SCOC: variants seen among roughly 807,000 people sequenced by gnomAD.
SCOC encodes the protein short coiled coil protein.
Under a neutral mutation model 9.9 loss-of-function variants are expected in SCOC, and 7 were observed. The ratio of observed to expected loss-of-function variants is 0.71; its 90% CI spans 0.40 to 1.33. SCOC has a LOEUF of 1.33. Among genes scored for constraint, SCOC ranks in the 40% most tolerant of loss-of-function variants. The pLI is 0.01. For synonymous variants in SCOC, 19 were observed against 28.2 expected, an observed-to-expected ratio of 0.67 and a Z score of 1.03; for missense variants, 66 against 89.7, an observed-to-expected ratio of 0.74 and a Z score of 1.07.
chr4:140,323,718 T>C (rs67090520), intron 1 of SCOC, among the ~76,000 whole-genome samples: 15,442 of 152,208 alleles, frequency 0.1, 1,023 homozygotes, highest in East Asian at 0.31. Context: ...CAATATTTAT[T>C]AAGAAATTGA....
chr4:140,384,652 A>G lies in SCOC; in HGVS notation c.*3548A>G, dbSNP rs1728653720. ...TTTCCCTTATTGGGTGATGGTCTTA[A>G]CATATACAGTCCTGAGTAAAGTCTT... On this transcript the variant is annotated 3_prime_UTR_variant, in exon 4 of 4. Transcript: ENST00000608372. 6.6e-6 allele frequency: 1 copy of G among 152,246 alleles called. No homozygotes were observed. The highest frequency in any genetic ancestry group is 6.5e-5 in the Admixed American group (1 of 15,278). 9.4% of individuals were successfully genotyped at this position (152,246 alleles called of 1,614,324 possible).
intron 1 of SCOC, among the ~76,000 whole-genome samples, chr4:140,300,739 A>G (rs935012561): frequency 3.9e-5 from 6 of 152,234 alleles, no homozygotes; most frequent in Non-Finnish European, 7.3e-5. Flanking sequence ...AAATGTCAAC[A>G]GTGCTGGTGG....
At chr4:140,370,574 G>T (rs1728009018), upstream of SCOC, among the ~76,000 whole-genome samples, 2 of 152,156 alleles carry the variant, frequency 1.3e-5, no homozygotes, top group African/African-American at 4.8e-5. Flanking sequence ...TGAAAAGTTT[G>T]GGACCTGAGT....
At chr4:140,265,925 A>G (rs1450980323) in intron 1 of SCOC, among the ~76,000 whole-genome samples, 1 of 152,028 alleles carries the variant, frequency 6.6e-6, no homozygotes, top group African/African-American at 2.4e-5. Context: ...TTTTCCAGGG[A>G]TTGGTGGAAA....
chr4:140,297,312 C>T (rs530606852), intron 1 of SCOC, among the ~76,000 whole-genome samples: 2 of 152,034 alleles, frequency 1.3e-5, no homozygotes, highest in African/African-American at 2.4e-5. Flanking sequence ...CCGGAGCCCA[C>T]GCAGCACTTA....
chr4:140,298,422 T>G (rs1431622057), intron 1 of SCOC, among the ~76,000 whole-genome samples: 1 of 152,264 alleles, frequency 6.6e-6, no homozygotes, highest in Non-Finnish European at 1.5e-5. Context: ...ACCATTATTC[T>G]GTGGGATCAT....
In SCOC at chr4:140,330,062, A is replaced by C. The variant is rs137999056; in HGVS notation, c.-18-13559A>C. Among the ~76,000 whole-genome samples the C allele has an allele frequency of 7.9e-3, 1,206 of 152,348 alleles. 12 individuals are homozygous for C. The highest frequency in any genetic ancestry group is 0.028 in the African/African-American group (1,178 of 41,580). On this transcript the variant is annotated intron_variant, in intron 1 of 4. Coordinates refer to the SCOC transcript ENST00000394205. ...AAATATGAAACCAGCCCAAATGCCC[A>C]TCAGTCAATGAGTGGCTAAAGAAAG...
At chr4:140,266,786 G>C (rs1053932610) in intron 1 of SCOC, among the ~76,000 whole-genome samples, 83 of 152,118 alleles carry the variant, frequency 5.5e-4, no homozygotes, top group African/African-American at 1.9e-3. Context: ...AAGTTTTCCT[G>C]TGTCTAGGTA....
At chr4:140,286,188 T>TAA (rs373397923) in intron 1 of SCOC, among the ~76,000 whole-genome samples, 19 of 137,568 alleles carry the variant, frequency 1.4e-4, no homozygotes, top group African/African-American at 4.7e-4. Flanking sequence ...CATCACAAAA[T>TAA]AAAAAAAAAA....
At chr4:140,362,467 G>A (rs1182977795) in intron 2 of SCOC, among the ~76,000 whole-genome samples, 1 of 149,596 alleles carries the variant, frequency 6.7e-6, no homozygotes, top group East Asian at 2.0e-4. Context: ...GCTAATTTTT[G>A]TATTTTTATT....
intron 1 of SCOC, among the ~76,000 whole-genome samples, chr4:140,262,198 G>A (rs375011572): frequency 6.6e-6 from 1 of 152,076 alleles, no homozygotes; most frequent in Non-Finnish European, 1.5e-5. Context: ...AAGGCTTTTT[G>A]TACTAGACTA....
At position 140,276,511 on chromosome 4, in the gene SCOC, T is replaced by C. The variant is rs1578761924; in HGVS notation, c.-19+19101T>C. ...CAGAGTCTCACTCTGTCGCTTAGGC[T>C]GGAGTGCTGTGGCACAAACTCGGCT... On this transcript the variant is annotated intron_variant, in intron 1 of 4. Transcript: ENST00000394205. Among the ~76,000 whole-genome samples the C allele has an allele frequency of 3.3e-5, 5 of 152,190 alleles. No homozygotes were observed. The South Asian group carries it at 1.0e-3, about 32-fold the overall frequency.
chr4:140,283,865 C>T (rs889683374), intron 1 of SCOC: 1 of 152,178 alleles, frequency 6.6e-6, no homozygotes, highest in Non-Finnish European at 1.5e-5. Flanking sequence ...GGAGGTCACT[C>T]TATTAGTGAG....
At chr4:140,367,903 A>G (rs1464134133) in intron 2 of SCOC, among the ~76,000 whole-genome samples, 1 of 152,172 alleles carries the variant, frequency 6.6e-6, no homozygotes, top group African/African-American at 2.4e-5. Context: ...ATTGACTCTT[A>G]AATATAGGGA....
intron 2 of SCOC, among the ~76,000 whole-genome samples, chr4:140,349,974 A>G (rs1196064925): frequency 6.6e-6 from 1 of 152,102 alleles, no homozygotes; most frequent in African/African-American, 2.4e-5. Context: ...AGCTCTCCCT[A>G]TCTTTTCAGT....
intron 1 of SCOC, among the ~76,000 whole-genome samples, chr4:140,287,137 G>A (rs1472332391): frequency 6.6e-6 from 1 of 150,496 alleles, no homozygotes; most frequent in Non-Finnish European, 1.5e-5. Flanking sequence ...CACACATCAT[G>A]TGCACATGCC....
At chr4:140,373,348 T>C, upstream of SCOC, 1 of 1,424,242 alleles carries the variant, frequency 7.0e-7, no homozygotes, top group Non-Finnish European at 9.2e-7. Flanking sequence ...TTCTCAGGTT[T>C]CCTGATAGAC....
chr4:140,366,213 T>G (rs1353750356), intron 2 of SCOC: 6 of 746,638 alleles, frequency 8.0e-6, no homozygotes, highest in Non-Finnish European at 9.1e-6. Flanking sequence ...AAATAGAACT[T>G]TTATTACTTT....
chr4:140,287,561 C>T (rs1173864542), intron 1 of SCOC, among the ~76,000 whole-genome samples: 1 of 151,980 alleles, frequency 6.6e-6, no homozygotes, highest in Non-Finnish European at 1.5e-5. Flanking sequence ...GTACACATGC[C>T]ACACAGACCA....
Sources: allele counts gnomAD v4.1 joint callset (sites outside exome capture counted in the v4.1 genomes callset), GRCh38; gene constraint gnomAD v4.1.1; transcripts MANE v1.5; gene names NCBI Gene and HGNC (gene_info 2026-07-23, HGNC 2026-07-21).